Variants in WWOX observed in about 807,000 individuals in gnomAD.
The protein encoded by WWOX is WW domain-containing oxidoreductase.
A neutral mutation model predicts 46.2 loss-of-function variants in WWOX; 69 were observed. The observed-to-expected ratio is 1.49, with a 90% CI of 1.23 to 1.82. The LOEUF is 1.82. Among genes scored for constraint, WWOX ranks in the 40% most tolerant of loss-of-function variants. The probability of loss-of-function intolerance (pLI) is 0.00; values close to 1 mark genes in which losing one functional copy is unlikely to be tolerated. For missense variants in WWOX, 919 were observed against 542.6 expected (o/e 1.69, Z -6.89); for synonymous variants, 359 against 202.6 (o/e 1.77, Z -6.56).
chr16:78,892,836 G>C (rs1004956644), intron 8 of WWOX, among the ~76,000 whole-genome samples: 4 of 152,150 alleles, frequency 2.6e-5, no homozygotes, highest in African/African-American at 9.7e-5. Flanking sequence ...GATCCAATTG[G>C]ATTAAGGAAC....
intron 8 of WWOX, among the ~76,000 whole-genome samples, chr16:79,124,046 C>G (rs1462962728): frequency 6.6e-6 from 1 of 152,154 alleles, no homozygotes; most frequent in Non-Finnish European, 1.5e-5. Context: ...TAAATAATTT[C>G]TTTGCCTCTT....
intron 8 of WWOX, among the ~76,000 whole-genome samples, chr16:79,177,943 G>A (rs1168928812): frequency 5.3e-5 from 8 of 152,248 alleles, no homozygotes; most frequent in Middle Eastern, 3.4e-3. Context: ...GCAAAGCAAC[G>A]GCAGATTCAG....
intron 8 of WWOX, among the ~76,000 whole-genome samples, chr16:78,902,414 A>C (rs1401914386): frequency 6.6e-6 from 1 of 152,220 alleles, no homozygotes; most frequent in Non-Finnish European, 1.5e-5. Context: ...TTTCTCTTGT[A>C]TCCAGCAGCG....
intron 8 of WWOX, among the ~76,000 whole-genome samples, chr16:78,443,402 T>G (rs534476957): frequency 2.0e-5 from 3 of 152,290 alleles, no homozygotes; most frequent in African/African-American, 4.8e-5. Context: ...GCTTCCACAG[T>G]GCAGATTTTA....
chr16:78,130,346 C>T (rs925436010), intron 4 of WWOX, among the ~76,000 whole-genome samples: 1 of 152,108 alleles, frequency 6.6e-6, no homozygotes. Context: ...AATGTGAGAA[C>T]ACAGTGGGAA....
intron 8 of WWOX, among the ~76,000 whole-genome samples, chr16:79,079,737 T>G (rs1399622959): frequency 6.6e-6 from 1 of 152,220 alleles, no homozygotes; most frequent in Non-Finnish European, 1.5e-5. Context: ...TACCCCAGGC[T>G]TTGCAACAGG....
intron 8 of WWOX, among the ~76,000 whole-genome samples, chr16:79,186,228 C>T (rs1049505169): frequency 6.6e-6 from 1 of 152,154 alleles, no homozygotes; most frequent in Non-Finnish European, 1.5e-5. Context: ...GTGTGCTTCC[C>T]ATGGCTGCTG....
chr16:79,015,845 G>A (rs146728052), intron 8 of WWOX, among the ~76,000 whole-genome samples: 5 of 152,260 alleles, frequency 3.3e-5, no homozygotes, highest in Admixed American at 2.0e-4. Context: ...CCCGCCTCCC[G>A]GGTTCATGTG....
intron 8 of WWOX, among the ~76,000 whole-genome samples, chr16:78,804,475 C>G (rs912605076): frequency 6.6e-6 from 1 of 151,964 alleles, no homozygotes; most frequent in Admixed American, 6.6e-5. Context: ...TTAATATTAA[C>G]TCCATTAGTC....
At chr16:78,239,088 G>A (rs1384230840) in intron 5 of WWOX, among the ~76,000 whole-genome samples, 1 of 152,152 alleles carries the variant, frequency 6.6e-6, no homozygotes, top group Non-Finnish European at 1.5e-5. Context: ...ATTCTCAGCT[G>A]TTGTGTGTTT....
At chr16:78,578,144 T>A (rs2044937183) in intron 8 of WWOX, among the ~76,000 whole-genome samples, 1 of 150,938 alleles carries the variant, frequency 6.6e-6, no homozygotes, top group African/African-American at 2.4e-5. Context: ...ATTAAGCTGT[T>A]GTTGATGCTT....
chr16:78,771,811 A>G (rs1411464639), intron 8 of WWOX, among the ~76,000 whole-genome samples: 3 of 131,466 alleles, frequency 2.3e-5, no homozygotes, highest in African/African-American at 8.2e-5. Flanking sequence ...AAATAAATAA[A>G]TAAGAGTTGG....
intron 5 of WWOX, among the ~76,000 whole-genome samples, chr16:78,190,974 G>A (rs2035865573): frequency 5.9e-5 from 9 of 152,124 alleles, no homozygotes; most frequent in Admixed American, 3.9e-4. Context: ...CTTTACTTGA[G>A]TCTTGCACCT....
chr16:78,447,467 T>G (rs982124199), intron 8 of WWOX, among the ~76,000 whole-genome samples: 1 of 152,200 alleles, frequency 6.6e-6, no homozygotes, highest in Non-Finnish European at 1.5e-5. Flanking sequence ...TTAGATCACT[T>G]AGCTAGCAAG....
chr16:78,130,582 C>T (rs1168811470), intron 4 of WWOX, among the ~76,000 whole-genome samples: 1 of 152,178 alleles, frequency 6.6e-6, no homozygotes, highest in African/African-American at 2.4e-5. Flanking sequence ...AGGCTGACCC[C>T]CTGTAGGCAG....
chr16:78,728,401 A>G (rs1448161421), intron 8 of WWOX, among the ~76,000 whole-genome samples: 3 of 152,124 alleles, frequency 2.0e-5, no homozygotes, highest in East Asian at 3.9e-4. Context: ...AAATATAACC[A>G]TATTTTCAAA....
chr16:78,785,254 C>T (rs2050426442), intron 8 of WWOX, among the ~76,000 whole-genome samples: 1 of 152,190 alleles, frequency 6.6e-6, no homozygotes, highest in Non-Finnish European at 1.5e-5. Context: ...ATTCTCTTCC[C>T]ACCTTCGATG....
chr16:78,432,499 T>C lies in WWOX; in HGVS notation c.803T>C (p.Ile268Thr). 1.9e-6 allele frequency: 3 copies of C among 1,614,138 alleles called. No homozygotes were observed. Among genetic ancestry groups the C allele is most frequent in the Non-Finnish European group, 2.5e-6 (3 of 1,180,020 alleles). ...TTCCTATTTTTAAGATTTACAGATA[T>C]TAACGACTCCTTGGGAAAACTGGAC... ...VSSESHRFTD[I>T]NDSLGKLDFS... is the part of the protein sequence containing the mutation. Residue 268 changes from isoleucine to threonine, a missense_variant, in exon 8 of 9, where the codon ATT (isoleucine) becomes ACT (threonine). Physicochemically the swap from Ile to Thr is moderately conservative, Grantham distance 89. Coordinates refer to ENST00000566780, the MANE Select transcript of WWOX (RefSeq NM_016373.4).
intron 8 of WWOX, among the ~76,000 whole-genome samples, chr16:78,935,700 A>T (rs996060939): frequency 2.0e-5 from 3 of 152,068 alleles, no homozygotes; most frequent in Non-Finnish European, 4.4e-5. Flanking sequence ...GCACATGTAT[A>T]CTTATGTAAC....
Sources: gnomAD v4.1 joint callset for allele counts (sites outside exome capture counted in the v4.1 genomes callset) on GRCh38, gnomAD v4.1.1 for gene constraint, MANE v1.5 for transcripts, NCBI Gene and HGNC (gene_info 2026-07-23, HGNC 2026-07-21) for gene names.